SLC25A13: variants seen among roughly 807,000 people sequenced by gnomAD.
SLC25A13 encodes the protein electrogenic aspartate/glutamate antiporter SLC25A13, mitochondrial.
A neutral mutation model predicts 85.5 loss-of-function variants in SLC25A13; 70 were observed. The observed-to-expected ratio is 0.82, with a 90% CI of 0.68 to 1.00. The LOEUF (loss-of-function observed/expected upper bound fraction) is 1.00. Among genes scored for constraint, SLC25A13 ranks in the 50% least tolerant of loss-of-function variants. The probability of loss-of-function intolerance (pLI) is 0.00; values close to 1 mark genes in which losing one functional copy is unlikely to be tolerated. For synonymous variants in SLC25A13, 259 were observed against 288.7 expected, an observed-to-expected ratio of 0.90 and a Z score of 1.04; for missense variants, 765 against 819.8, an observed-to-expected ratio of 0.93 and a Z score of 0.82.
intron 1 of SLC25A13, among the ~76,000 whole-genome samples, chr7:96,318,287 T>G (rs930308333): frequency 6.6e-6 from 1 of 152,186 alleles, no homozygotes; most frequent in African/African-American, 2.4e-5. Context: ...ACGCATAAAT[T>G]TAACCAATGA....
At chr7:96,237,888 T>G (rs1417104429) in intron 3 of SLC25A13, among the ~76,000 whole-genome samples, 1 of 152,096 alleles carries the variant, frequency 6.6e-6, no homozygotes, top group African/African-American at 2.4e-5. Flanking sequence ...AGAAGGGACC[T>G]GTGGGAGAAT....
At chr7:96,283,426 G>A (rs984889573) in intron 2 of SLC25A13, 10 of 427,146 alleles carry the variant, frequency 2.3e-5, no homozygotes, top group Admixed American at 9.2e-5. Context: ...AAAACATAGA[G>A]TTGTTCCTTT....
At chr7:96,145,757 T>G (rs1245414864) in intron 14 of SLC25A13, among the ~76,000 whole-genome samples, 1 of 152,192 alleles carries the variant, frequency 6.6e-6, no homozygotes, top group Non-Finnish European at 1.5e-5. Context: ...TGATTCAAAA[T>G]TCATGAATAA....
At position 96,234,903 on chromosome 7, in the gene SLC25A13, T is replaced by A; in HGVS notation, c.227A>T (p.Gln76Leu). 6.2e-7 allele frequency: 1 copy of A among 1,613,114 alleles called. No individual in the cohort carries two copies. Among genetic ancestry groups the A allele is most frequent in the South Asian group, 1.1e-5 (1 of 91,052 alleles). Residue 76 changes from glutamine to leucine, a missense_variant, in exon 4 of 18, where the codon CAA (glutamine) becomes CTA (leucine). Transcript: ENST00000265631. ...GACAGATTCAAAGGCAACAAATTCT[T>A]GAAAAGATATTAATCTGCAACATAA... ...DQTKDGLISF[Q>L]EFVAFESVLC...
intron 13 of SLC25A13, among the ~76,000 whole-genome samples, chr7:96,156,587 G>A (rs1222994818): frequency 2.6e-5 from 4 of 152,136 alleles, no homozygotes; most frequent in African/African-American, 9.7e-5. Context: ...AAGTAGCTGG[G>A]AATACAGGCA....
At chr7:96,186,852 A>T (rs1794662916) in intron 9 of SLC25A13, among the ~76,000 whole-genome samples, 1 of 152,172 alleles carries the variant, frequency 6.6e-6, no homozygotes, top group Non-Finnish European at 1.5e-5. Context: ...ACTTTTTATT[A>T]AAAATGCTTG....
intron 2 of SLC25A13, chr7:96,283,732 G>A (rs575835773): frequency 2.4e-5 from 6 of 247,746 alleles, no homozygotes; most frequent in South Asian, 5.1e-5. Flanking sequence ...CCTGCTCCAC[G>A]CAGAGAAGCA....
chr7:96,239,243 A>G (rs1796872070), intron 3 of SLC25A13, among the ~76,000 whole-genome samples: 1 of 149,930 alleles, frequency 6.7e-6, no homozygotes, highest in South Asian at 2.1e-4. Context: ...GATGAACCAT[A>G]AAATCATAAT....
intron 1 of SLC25A13, among the ~76,000 whole-genome samples, chr7:96,301,524 A>G (rs954066475): frequency 2.0e-5 from 3 of 152,152 alleles, no homozygotes; most frequent in Admixed American, 1.3e-4. Context: ...TCCTTTACAG[A>G]TTACTATGAA....
chr7:96,166,921 C>A (rs1174940375), intron 13 of SLC25A13: 1 of 152,108 alleles, frequency 6.6e-6, no homozygotes, highest in South Asian at 2.1e-4. Context: ...TATATATATA[C>A]CTCATGCAGG....
At chr7:96,135,445 T>G (rs566395126) in intron 14 of SLC25A13, among the ~76,000 whole-genome samples, 1 of 152,204 alleles carries the variant, frequency 6.6e-6, no homozygotes, top group South Asian at 2.1e-4. Flanking sequence ...AGGTGCCAAT[T>G]TGTAAGACTG....
chr7:96,158,100 A>C (rs141697777), intron 13 of SLC25A13, among the ~76,000 whole-genome samples: 1 of 152,210 alleles, frequency 6.6e-6, no homozygotes, highest in African/African-American at 2.4e-5. Context: ...GCTCCAGTTC[A>C]TATTTCCCCA....
intron 13 of SLC25A13, among the ~76,000 whole-genome samples, chr7:96,160,326 C>G (rs1203038329): frequency 1.3e-5 from 2 of 152,176 alleles, no homozygotes; most frequent in Non-Finnish European, 2.9e-5. Flanking sequence ...GTTGGACTTT[C>G]CTCTAATAAG....
At chr7:96,177,963 CTG>C (rs931406425) in intron 11 of SLC25A13, among the ~76,000 whole-genome samples, 1 of 152,324 alleles carries the variant, frequency 6.6e-6, no homozygotes, top group African/African-American at 2.4e-5. Context: ...CCCAACTAGA[CTG>C]TTCTGAAACT....
intron 11 of SLC25A13, 58 bp downstream of exon 11, chr7:96,184,219 A>C: frequency 4.4e-6 from 7 of 1,600,820 alleles, no homozygotes; most frequent in Non-Finnish European, 6.0e-6. Flanking sequence ...CACTAAGATG[A>C]GAAACCAAAC....
intron 11 of SLC25A13, among the ~76,000 whole-genome samples, chr7:96,174,951 T>C (rs1051758369): frequency 1.3e-5 from 2 of 152,366 alleles, no homozygotes; most frequent in South Asian, 2.1e-4. Flanking sequence ...TGAGAGGAAC[T>C]GGGATGAACA....
In SLC25A13 at chr7:96,319,425, C is replaced by T. The variant is rs567416850; in HGVS notation, c.15+2517G>A. Reference sequence around the variant, plus strand: ...GGTGTGGTGGCACGTGCCTGTAGTCCCAGATACTTGGGAGGCTGAGGCAGG... The same window carrying T: ...GGTGTGGTGGCACGTGCCTGTAGTCTCAGATACTTGGGAGGCTGAGGCAGG... On this transcript the variant is annotated intron_variant, in intron 1 of 17. Coordinates refer to ENST00000265631, the MANE Select transcript of SLC25A13 (RefSeq NM_014251.3). Among the ~76,000 whole-genome samples, 63 of 151,422 alleles carry T rather than the reference C, an allele frequency of 4.2e-4. No individual in the cohort carries two copies. In the Middle Eastern group the frequency reaches 0.017, roughly 41 times the overall value.
At position 96,280,127 on chromosome 7, in the gene SLC25A13, G is replaced by A. The variant is rs565362634; in HGVS notation, c.70-2789C>T. Among the ~76,000 whole-genome samples the A allele has an allele frequency of 1.0e-3, 156 of 152,114 alleles. 1 individual carries two copies. The highest frequency in any genetic ancestry group is 3.6e-3 in the African/African-American group (151 of 41,476). Reference sequence around the variant, plus strand: ...CAGGACCATCCTTTTCAATTGTCTCGTCTACTCTTGCAAGATTACATGCTA... The same window carrying A: ...CAGGACCATCCTTTTCAATTGTCTCATCTACTCTTGCAAGATTACATGCTA... On this transcript the variant is annotated intron_variant, in intron 2 of 17. Transcript: ENST00000265631.
At chr7:96,277,569 T>C (rs1798507348) in intron 2 of SLC25A13, among the ~76,000 whole-genome samples, 1 of 152,130 alleles carries the variant, frequency 6.6e-6, no homozygotes, top group African/African-American at 2.4e-5. Flanking sequence ...CACTTGGCAA[T>C]ATCTGATGGC....
Sources: allele counts gnomAD v4.1 joint callset (sites outside exome capture counted in the v4.1 genomes callset), GRCh38; gene constraint gnomAD v4.1.1; transcripts MANE v1.5; gene names NCBI Gene and HGNC (gene_info 2026-07-23, HGNC 2026-07-21).